Variants in COL9A3 observed in about 807,000 individuals in gnomAD.
COL9A3 encodes collagen alpha-3(IX) chain.
Under a neutral mutation model 110.2 loss-of-function variants are expected in COL9A3, and 82 were observed. That is an observed-to-expected ratio of 0.74 (90% confidence interval 0.62 to 0.89). The LOEUF is 0.89. Among genes scored for constraint, COL9A3 ranks in the 40% least tolerant of loss-of-function variants. The pLI is 0.00. For synonymous variants in COL9A3, 494 were observed against 403.8 expected (o/e 1.22, Z -2.68); for missense variants, 1,066 against 981.3 (o/e 1.09, Z -1.15).
At chr20:62,824,803 C>T (rs1362740842) in intron 11 of COL9A3, among the ~76,000 whole-genome samples, 165 bp from the exon 12 acceptor site, 2 of 152,154 alleles carry the variant, frequency 1.3e-5, no homozygotes, top group Non-Finnish European at 2.9e-5. Flanking sequence ...TGGGTCCTAG[C>T]GCCTCTCAGG....
chr20:62,837,312 T>C, intron 30 of COL9A3, 47 bp downstream of exon 30: 4 of 1,582,730 alleles, frequency 2.5e-6, no homozygotes, highest in Non-Finnish European at 3.4e-6. Context: ...TAAAAATCCC[T>C]GAGACTGACT....
At position 62,836,522 on chromosome 20, in the gene COL9A3, G is replaced by T. The variant is rs541467686; in HGVS notation, c.1593G>T (p.Gly531=). 1 of 1,611,654 alleles carries T rather than the reference G, an allele frequency of 6.2e-7. No individual in the cohort carries two copies. The highest frequency in any genetic ancestry group is 1.7e-5 in the Admixed American group (1 of 59,614). Residue 531 remains glycine, a synonymous_variant, in exon 29 of 32, where the codon GGG becomes GGT. Transcript: ENST00000649368. ...AGCGCATCAGGGAGCTGTGTGGGGG[G>T]ATGATCAGCGGTAAGTCAGCCACGT... ...SEQRIRELCG[G]MISEQIAQLA...
intron 12 of COL9A3, chr20:62,825,536 C>T (rs2063545565): frequency 5.3e-6 from 3 of 561,692 alleles, no homozygotes; most frequent in Non-Finnish European, 9.6e-6. Flanking sequence ...AGGTGCACAT[C>T]AGAGGGGTCC....
rs1214379799 is a variant in COL9A3, at chr20:62,840,684, A to G, written c.2007A>G (p.Gly669=). The change falls in exon 32 of 32, where the codon GGA becomes GGG. Residue 669 remains glycine (G), a synonymous_variant. Transcript: ENST00000649368. Reference sequence around the variant, plus strand: ...TCTGCGACACCTCAGCCTGCCAAGGAGCCGTGTTAGGAGGGGTCGGGGAGA... The same window carrying G: ...TCTGCGACACCTCAGCCTGCCAAGGGGCCGTGTTAGGAGGGGTCGGGGAGA... The part of the protein sequence containing the change: ...PGICDTSACQ[G]AVLGGVGEKS... 6.2e-7 allele frequency: 1 copy of G among 1,601,392 alleles called. No individual in the cohort carries two copies. Among genetic ancestry groups the G allele is most frequent in the Non-Finnish European group, 8.5e-7 (1 of 1,174,216 alleles).
At position 62,828,272 on chromosome 20, in the gene COL9A3, A is replaced by G. The variant is rs2734521; in HGVS notation, c.900+296A>G. 0.13 allele frequency among the ~76,000 whole-genome samples: 19,571 copies of G among 152,204 alleles called. 1,416 individuals carry two copies. Among genetic ancestry groups the G allele is most frequent in the Non-Finnish European group, 0.16 (10,813 of 67,976 alleles). On this transcript the variant is annotated intron_variant, in intron 17 of 31. Transcript: ENST00000649368. ...GGCACTCCCAGGGTCCCGGGCACCC[A>G]TGCGGGCACCTTCCTTCCTGCTGGG...
chr20:62,824,457 T>A lies in COL9A3; in HGVS notation c.532T>A (p.Cys178Ser). 1.2e-6 allele frequency: 2 copies of A among 1,602,212 alleles called. No homozygotes were observed. The highest frequency in any genetic ancestry group is 1.7e-6 in the Non-Finnish European group (2 of 1,174,956). Residue 178 changes from cysteine (C) to serine (S), a missense_variant, in exon 11 of 32, where the codon TGC (cysteine) becomes AGC (serine). By Grantham distance (112) the Cys-to-Ser change is moderately radical. Transcript: ENST00000649368. The part of the protein sequence containing the change: ...GATDLQCPSI[C>S]PPGPPGPPGM... Reference sequence around the variant, plus strand: ...TGTTTTCCGACAGTGCCCAAGTATCTGCCCGCCAGGTCCCCCAGGGCCCCC... The same window carrying A: ...TGTTTTCCGACAGTGCCCAAGTATCAGCCCGCCAGGTCCCCCAGGGCCCCC...
intron 10 of COL9A3, among the ~76,000 whole-genome samples, chr20:62,823,836 G>C (rs1202149384): frequency 6.6e-6 from 1 of 152,264 alleles, no homozygotes; most frequent in African/African-American, 2.4e-5. Context: ...GTGCCGGCCG[G>C]GACTGTGCTG....
rs546235690 is a variant in COL9A3, at chr20:62,817,850, C to T, written c.147+215C>T. The T allele has an allele frequency of 7.7e-4, 520 of 674,500 alleles. 7 individuals carry two copies. The Admixed American group carries it at 9.6e-3, about 12-fold the overall frequency. The allele number at this position is 674,500 out of a possible 1,614,324, so 41.8% of individuals were successfully genotyped here. ...GAGGGTGTCATGTGGTGGTCCTCCA[C>T]CCAGAATGCCGGCACTGAGGTGTGT... is the stretch of plus-strand genomic sequence containing the variant. On this transcript the variant is annotated intron_variant, in intron 2 of 31. Coordinates refer to ENST00000649368, the MANE Select transcript of COL9A3 (RefSeq NM_001853.4).
At chr20:62,823,542 G>A (rs1052496601) in intron 10 of COL9A3, among the ~76,000 whole-genome samples, 2 of 152,216 alleles carry the variant, frequency 1.3e-5, no homozygotes, top group African/African-American at 4.8e-5. Flanking sequence ...TAGGTGCCTG[G>A]CCAGCCTGTG....
At chr20:62,824,364 G>A in intron 10 of COL9A3, 81 bp from the exon 11 acceptor site, 1 of 1,450,720 alleles carries the variant, frequency 6.9e-7, no homozygotes, top group Non-Finnish European at 9.5e-7. Context: ...GGCCTCCTGG[G>A]GTCCCGCGGG....
At chr20:62,820,464 A>G (rs1991083986) in intron 5 of COL9A3, among the ~76,000 whole-genome samples, 1 of 152,236 alleles carries the variant, frequency 6.6e-6, no homozygotes, top group Non-Finnish European at 1.5e-5. Context: ...CTTTGGCTTC[A>G]TAAGACGTGG....
intron 30 of COL9A3, among the ~76,000 whole-genome samples, chr20:62,837,570 G>A (rs144453615): frequency 0.014 from 2,074 of 149,594 alleles, 28 homozygotes; most frequent in South Asian, 0.071. Flanking sequence ...ACACTTTGGG[G>A]GGCTGAGGTG....
chr20:62,824,746 ACCCCAGCCCAG>A (rs2063537074), intron 11 of COL9A3, among the ~76,000 whole-genome samples: 1 of 152,030 alleles, frequency 6.6e-6, no homozygotes, highest in African/African-American at 2.4e-5. Flanking sequence ...TCAAGCTCCC[ACCCCAGCCCAG>A]CCCTGGCCCG....
At chr20:62,825,074 C>G in intron 12 of COL9A3, 53 bp downstream of exon 12, 1 of 1,365,254 alleles carries the variant, frequency 7.3e-7, no homozygotes, top group Non-Finnish European at 1.0e-6. Context: ...AGGCTGGGCT[C>G]CGGCGGGAGG....
chr20:62,816,921 G>C (rs2734534), upstream of COL9A3: 7 of 348,706 alleles, frequency 2.0e-5, no homozygotes, highest in East Asian at 2.9e-4. Flanking sequence ...GCGGGTGGAA[G>C]CCCCCCCGCC....
chr20:62,817,039 C>A (rs1261248470), upstream of COL9A3: 1 of 1,227,912 alleles, frequency 8.1e-7, no homozygotes, highest in Non-Finnish European at 1.0e-6. Flanking sequence ...CCCGCCCCGA[C>A]GCCGCAGCTC....
At chr20:62,832,782 G>T in intron 25 of COL9A3, 1 of 447,376 alleles carries the variant, frequency 2.2e-6, no homozygotes, top group Non-Finnish European at 4.2e-6. Context: ...GTTCTGCTTG[G>T]CAGAAAAGCC....
chr20:62,817,399 G>C (rs1243098613), intron 1 of COL9A3, 168 bp from the exon 2 acceptor site: 5 of 562,998 alleles, frequency 8.9e-6, no homozygotes, highest in Non-Finnish European at 1.5e-5. Flanking sequence ...GGAGGGAGGC[G>C]GGGGACACAC....
intron 16 of COL9A3, among the ~76,000 whole-genome samples, chr20:62,827,574 C>T (rs545169045): frequency 3.3e-5 from 5 of 152,332 alleles, no homozygotes; most frequent in Non-Finnish European, 7.4e-5. Flanking sequence ...ATCCTGCCCC[C>T]AGAGAAAACG....
Sources: allele counts gnomAD v4.1 joint callset (sites outside exome capture counted in the v4.1 genomes callset), GRCh38; gene constraint gnomAD v4.1.1; transcripts MANE v1.5; gene names NCBI Gene and HGNC (gene_info 2026-07-23, HGNC 2026-07-21).